The following XRN2 variants were observed in gnomAD, a reference collection of about 807,000 sequenced individuals.
XRN2 encodes DHM1-like protein.
XRN2 carries 44 observed loss-of-function variants against 138.5 expected under a neutral mutation model. That is an observed-to-expected ratio of 0.32 (90% CI 0.25 to 0.41). XRN2 has a LOEUF of 0.41. Among genes scored for constraint, XRN2 ranks in the 10% least tolerant of loss-of-function variants. XRN2 has a pLI of 1.00. For synonymous variants in XRN2, 354 were observed against 369.4 expected (o/e 0.96, Z 0.48); for missense variants, 937 against 1,169.3 (o/e 0.80, Z 2.90).
At chr20:21,352,487 C>A (rs1397691605) in intron 20 of XRN2, among the ~76,000 whole-genome samples, 3 of 152,018 alleles carry the variant, frequency 2.0e-5, no homozygotes, top group Non-Finnish European at 4.4e-5. Flanking sequence ...TGCCACCACA[C>A]CTGCCTAATT....
chr20:21,355,374 T>G (rs148292959), intron 21 of XRN2, among the ~76,000 whole-genome samples: 101 of 152,330 alleles, frequency 6.6e-4, no homozygotes, highest in African/African-American at 2.4e-3. Context: ...ATTCGGAAAT[T>G]GCAAAGCTGG....
chr20:21,341,290 T>C (rs1249878880), intron 15 of XRN2, among the ~76,000 whole-genome samples: 1 of 152,240 alleles, frequency 6.6e-6, no homozygotes, highest in African/African-American at 2.4e-5. Context: ...TATTCCCTTA[T>C]TTCCCCTTTC....
At position 21,344,112 on chromosome 20, in the gene XRN2, C is replaced by A; in HGVS notation, c.1433C>A (p.Thr478Lys). 6.2e-7 allele frequency: 1 copy of A among 1,612,664 alleles called. No individual in the cohort carries two copies. The highest frequency in any genetic ancestry group is 1.1e-5 in the South Asian group (1 of 90,988). Reference sequence around the variant, plus strand: ...CAGAGTCCTTCGATATCTCCTAATACGAGTTTCACATCTGATGGCTCCCCG... The same window carrying A: ...CAGAGTCCTTCGATATCTCCTAATAAGAGTTTCACATCTGATGGCTCCCCG... ...NNSSPSISPN[T>K]SFTSDGSPSP... Residue 478 changes from threonine (T) to lysine (K), a missense_variant, in exon 16 of 30, where the codon ACG (threonine) becomes AAG (lysine). Coordinates refer to ENST00000377191, the MANE Select transcript of XRN2 (RefSeq NM_012255.5).
At chr20:21,331,381 AAGT>A (rs2038204966) in intron 6 of XRN2, among the ~76,000 whole-genome samples, 177 bp from the exon 7 acceptor site, 1 of 145,348 alleles carries the variant, frequency 6.9e-6, no homozygotes, top group African/African-American at 2.6e-5. Flanking sequence ...ATTTTCAGTG[AAGT>A]AGTTTTGGTG....
intron 26 of XRN2, among the ~76,000 whole-genome samples, chr20:21,366,532 G>A (rs1357439008): frequency 6.6e-6 from 1 of 150,880 alleles, no homozygotes; most frequent in Non-Finnish European, 1.5e-5. Flanking sequence ...ACTCCAGCCT[G>A]GGCGACAGAG....
chr20:21,365,337 C>T, intron 24 of XRN2, 84 bp from the exon 25 acceptor site: 2 of 1,368,438 alleles, frequency 1.5e-6, no homozygotes, highest in Non-Finnish European at 2.0e-6. Context: ...TTGGAGAGGA[C>T]TTAAACATGA....
rs6113198 is a variant in XRN2, at chr20:21,340,825, C to T, written c.1383C>T (p.Ala461=). Residue 461 remains alanine (A), a synonymous_variant, in exon 15 of 30, where the codon GCC becomes GCT. Coordinates refer to ENST00000377191, the MANE Select transcript of XRN2 (RefSeq NM_012255.5). ...SQVASNPRQA[A]YEMRMQNNSS... ...TAGCCAGTAATCCGAGACAAGCAGC[C>T]TATGAAATGAGGATGCAGAATAACT... The T allele has an allele frequency of 3.7e-6, 6 of 1,613,912 alleles. 1 individual carries two copies. The South Asian group carries it at 5.5e-5, about 15-fold the overall frequency.
intron 1 of XRN2, among the ~76,000 whole-genome samples, chr20:21,316,573 C>G (rs762094175): frequency 5.3e-5 from 8 of 152,140 alleles, no homozygotes; most frequent in African/African-American, 1.4e-4. Context: ...GATCTTGACA[C>G]CTTATCAAAA....
At chr20:21,360,791 G>A (rs181419307) in intron 24 of XRN2, among the ~76,000 whole-genome samples, 17 of 152,320 alleles carry the variant, frequency 1.1e-4, no homozygotes, top group African/African-American at 4.1e-4. Context: ...AATACATGCA[G>A]TCAGCAGTGG....
chr20:21,354,780 T>C lies in XRN2; in HGVS notation c.1937-9T>C. The C allele has an allele frequency of 6.2e-7, 1 of 1,613,552 alleles. No individual in the cohort carries two copies. The highest frequency in any genetic ancestry group is 8.5e-7 in the Non-Finnish European group (1 of 1,179,748). On this transcript the variant is annotated splice_polypyrimidine_tract_variant and intron_variant, in intron 20 of 29. Transcript: ENST00000377191. ...AGCAGGGGTGGTTCATTTGCACTTG[T>C]TTTTTCAGGTGTTGCTCTCTTGCCA...
At chr20:21,340,909 C>A in intron 15 of XRN2, 57 bp downstream of exon 15, 1 of 1,590,856 alleles carries the variant, frequency 6.3e-7, no homozygotes, top group East Asian at 2.2e-5. Context: ...ATACCTCTTG[C>A]AGGGGTGGTG....
chr20:21,352,409 C>T (rs1370490938), intron 20 of XRN2, among the ~76,000 whole-genome samples: 2 of 151,948 alleles, frequency 1.3e-5, no homozygotes, highest in Admixed American at 1.3e-4. Flanking sequence ...CTCACTGTAA[C>T]CTCCGTCTCA....
At chr20:21,338,911 G>A in intron 13 of XRN2, 133 bp from the exon 14 acceptor site, 1 of 763,932 alleles carries the variant, frequency 1.3e-6, no homozygotes, top group Non-Finnish European at 2.2e-6. Flanking sequence ...TTATTGCCTG[G>A]TTTAATCATG....
At chr20:21,344,484 A>G (rs1456250195) in intron 16 of XRN2, among the ~76,000 whole-genome samples, 1 of 152,160 alleles carries the variant, frequency 6.6e-6, no homozygotes, top group Non-Finnish European at 1.5e-5. Flanking sequence ...TCGGCTAGAT[A>G]TCATATCTAG....
At chr20:21,362,674 A>AT (rs1484841111) in intron 24 of XRN2, among the ~76,000 whole-genome samples, 1 of 152,172 alleles carries the variant, frequency 6.6e-6, no homozygotes, top group Non-Finnish European at 1.5e-5. Context: ...CTCCATGACC[A>AT]TAACCCACTT....
At chr20:21,342,732 C>G (rs1490059304) in intron 15 of XRN2, among the ~76,000 whole-genome samples, 1 of 152,138 alleles carries the variant, frequency 6.6e-6, no homozygotes, top group Non-Finnish European at 1.5e-5. Flanking sequence ...TTAATCCTTG[C>G]AATAACTTGT....
rs144098274 is a variant in XRN2 at position 21,308,947 on chromosome 20, C to T, written c.75+5474C>T. ...TAGTTTTACTTCATTCTGTGGTTTCCATTTTTTGGTCTAGTCATATGGTGA... is the reference window on the plus strand; with the variant it reads ...TAGTTTTACTTCATTCTGTGGTTTCTATTTTTTGGTCTAGTCATATGGTGA... On this transcript the variant is annotated intron_variant, in intron 1 of 29. Transcript: ENST00000377191. Among the ~76,000 whole-genome samples the T allele has an allele frequency of 2.9e-4, 44 of 152,226 alleles. No individual in the cohort carries two copies. The East Asian group carries it at 7.3e-3, about 25-fold the overall frequency.
intron 26 of XRN2, among the ~76,000 whole-genome samples, chr20:21,366,284 G>A (rs1377671077): frequency 3.5e-5 from 5 of 143,216 alleles, no homozygotes; most frequent in African/African-American, 1.3e-4. Context: ...ACGGTGGCTC[G>A]CTCCTGTAAT....
At chr20:21,353,491 T>C (rs959871507) in intron 20 of XRN2, among the ~76,000 whole-genome samples, 3 of 151,318 alleles carry the variant, frequency 2.0e-5, no homozygotes, top group Non-Finnish European at 4.4e-5. Flanking sequence ...TCTTTTTAAC[T>C]TAAAAAGAAA....
Sources: allele counts gnomAD v4.1 joint callset (sites outside exome capture counted in the v4.1 genomes callset), GRCh38; gene constraint gnomAD v4.1.1; transcripts MANE v1.5; gene names NCBI Gene and HGNC (gene_info 2026-07-23, HGNC 2026-07-21).